The following IQCM variants were observed in gnomAD, a reference collection of about 807,000 sequenced individuals.
IQCM encodes the protein IQ motif containing M.
In IQCM, 45 loss-of-function variants were observed where a neutral mutation model predicts 57.6. The ratio of observed to expected loss-of-function variants is 0.78; its 90% CI spans 0.62 to 1.00. The LOEUF (loss-of-function observed/expected upper bound fraction) is 1.00. IQCM is among the 50% of genes least tolerant of loss of function. IQCM has a pLI of 0.00. For missense variants in IQCM, 468 were observed against 511.6 expected, an observed-to-expected ratio of 0.91 and a Z score of 0.82; for synonymous variants, 148 against 158.9, an observed-to-expected ratio of 0.93 and a Z score of 0.51.
At chr4:149,758,612 G>A (rs1035561974) in intron 2 of IQCM, among the ~76,000 whole-genome samples, 4 of 152,046 alleles carry the variant, frequency 2.6e-5, no homozygotes, top group Non-Finnish European at 4.4e-5. Flanking sequence ...AATATACAAA[G>A]AATTCTCAAA....
At chr4:149,452,603 T>C (rs1412631285) in intron 12 of IQCM, among the ~76,000 whole-genome samples, 1 of 151,576 alleles carries the variant, frequency 6.6e-6, no homozygotes, top group Non-Finnish European at 1.5e-5. Flanking sequence ...TGAGGAATAA[T>C]TGACATATAA....
At chr4:149,395,239 G>A (rs538754161) in intron 13 of IQCM, among the ~76,000 whole-genome samples, 8 of 152,000 alleles carry the variant, frequency 5.3e-5, no homozygotes, top group African/African-American at 9.7e-5. Context: ...TCCTATTTTC[G>A]TTGCCAGCAG....
intron 12 of IQCM, among the ~76,000 whole-genome samples, chr4:149,503,119 G>A (rs1432123506): frequency 6.6e-6 from 1 of 152,080 alleles, no homozygotes; most frequent in African/African-American, 2.4e-5. Flanking sequence ...TACTTGGGAG[G>A]CTGAGGCAGG....
chr4:149,456,190 G>A (rs1737683715), intron 12 of IQCM, among the ~76,000 whole-genome samples: 1 of 152,022 alleles, frequency 6.6e-6, no homozygotes, highest in Non-Finnish European at 1.5e-5. Flanking sequence ...TTGTACAGAA[G>A]TACGATCAGA....
At chr4:149,417,082 A>T (rs912325083) in intron 13 of IQCM, among the ~76,000 whole-genome samples, 1 of 152,224 alleles carries the variant, frequency 6.6e-6, no homozygotes, top group African/African-American at 2.4e-5. Context: ...CAACAGAAAG[A>T]CTTTCACAGG....
chr4:149,512,985 G>A (rs1167081564), intron 12 of IQCM, among the ~76,000 whole-genome samples: 3 of 152,092 alleles, frequency 2.0e-5, no homozygotes, highest in African/African-American at 7.2e-5. Flanking sequence ...ACCAAGCTGT[G>A]TCCTAGATGC....
chr4:149,520,627 G>GTT (rs997846104), intron 12 of IQCM, among the ~76,000 whole-genome samples: 8 of 152,162 alleles, frequency 5.3e-5, no homozygotes, highest in African/African-American at 1.4e-4. Context: ...TATACCAGGT[G>GTT]TTTTTTTCCT....
intron 13 of IQCM, among the ~76,000 whole-genome samples, chr4:149,429,309 A>G (rs1040511286): frequency 6.6e-6 from 1 of 151,926 alleles, no homozygotes; most frequent in Non-Finnish European, 1.5e-5. Flanking sequence ...CTTTCCAAAA[A>G]TAAGTGTGAC....
chr4:149,396,050 T>A (rs926108070), intron 13 of IQCM, among the ~76,000 whole-genome samples: 6 of 151,978 alleles, frequency 3.9e-5, no homozygotes, highest in African/African-American at 1.4e-4. Context: ...TTTAGTTTTT[T>A]AACAGATAAA....
intron 2 of IQCM, among the ~76,000 whole-genome samples, chr4:149,773,310 C>T (rs1770764706): frequency 6.6e-5 from 10 of 151,648 alleles, no homozygotes; most frequent in Admixed American, 5.9e-4. Flanking sequence ...CAAGATGGTG[C>T]CACTGCACTC....
intron 13 of IQCM, among the ~76,000 whole-genome samples, chr4:149,367,215 G>A (rs1199089564): frequency 6.6e-6 from 1 of 151,898 alleles, no homozygotes; most frequent in Admixed American, 6.6e-5. Context: ...ACTATTTATA[G>A]CACTCATTTT....
At chr4:149,573,935 C>T (rs768137484) in intron 9 of IQCM, among the ~76,000 whole-genome samples, 7 of 151,852 alleles carry the variant, frequency 4.6e-5, no homozygotes, top group Non-Finnish European at 8.8e-5. Flanking sequence ...ACAACAGAAA[C>T]GTTGGTATTG....
At chr4:149,592,196 T>C (rs1753255165) in intron 8 of IQCM, among the ~76,000 whole-genome samples, 2 of 152,240 alleles carry the variant, frequency 1.3e-5, no homozygotes, top group African/African-American at 2.4e-5. Flanking sequence ...TGCATTTCTC[T>C]GATGGCCAGT....
intron 8 of IQCM, among the ~76,000 whole-genome samples, chr4:149,606,556 T>C (rs960512501): frequency 4.6e-5 from 7 of 151,974 alleles, no homozygotes; most frequent in African/African-American, 1.7e-4. Flanking sequence ...CTCACCAAAT[T>C]GACAAAATAA....
At chr4:149,581,093 G>C (rs555661668) in intron 9 of IQCM, among the ~76,000 whole-genome samples, 1 of 151,518 alleles carries the variant, frequency 6.6e-6, no homozygotes. Flanking sequence ...AAATAAAGTA[G>C]GATTTGGTGG....
intron 10 of IQCM, among the ~76,000 whole-genome samples, chr4:149,557,630 GA>G (rs1210440608): frequency 6.6e-6 from 1 of 152,000 alleles, no homozygotes; most frequent in Non-Finnish European, 1.5e-5. Flanking sequence ...CACACAGGAA[GA>G]AAAAACAATT....
chr4:149,723,410 A>T (rs1053001807), intron 5 of IQCM, among the ~76,000 whole-genome samples: 5 of 151,852 alleles, frequency 3.3e-5, no homozygotes, highest in Non-Finnish European at 7.4e-5. Context: ...TCAGCATGTT[A>T]TTGGCTGTGG....
intron 13 of IQCM, among the ~76,000 whole-genome samples, chr4:149,360,720 G>T (rs1465688265): frequency 2.6e-5 from 4 of 152,112 alleles, no homozygotes; most frequent in Non-Finnish European, 5.9e-5. Flanking sequence ...TTCACCTCAT[G>T]CCATGATTCT....
intron 13 of IQCM, among the ~76,000 whole-genome samples, chr4:149,426,330 C>T (rs966441488): frequency 6.6e-6 from 1 of 151,950 alleles, no homozygotes; most frequent in Non-Finnish European, 1.5e-5. Context: ...ATCAGCAACT[C>T]AGTCTTTCCT....
Sources: gnomAD v4.1 joint callset for allele counts (sites outside exome capture counted in the v4.1 genomes callset) on GRCh38, gnomAD v4.1.1 for gene constraint, MANE v1.5 for transcripts, NCBI Gene and HGNC (gene_info 2026-07-23, HGNC 2026-07-21) for gene names.